CNTNAP2: variants seen among roughly 807,000 people sequenced by gnomAD.
The protein encoded by CNTNAP2 is contactin associated protein 2.
A neutral mutation model predicts 155.2 loss-of-function variants in CNTNAP2; 98 were observed. The observed-to-expected ratio is 0.63, with a 90% confidence interval of 0.54 to 0.75. CNTNAP2 has a LOEUF of 0.75. Among genes scored for constraint, CNTNAP2 ranks in the 30% least tolerant of loss-of-function variants. CNTNAP2 has a pLI of 0.00. For synonymous variants in CNTNAP2, 651 were observed against 631.2 expected (o/e 1.03, Z -0.47); for missense variants, 1,727 against 1,688.1 (o/e 1.02, Z -0.40).
Position 148,382,751 on chromosome 7 carries a change from CT to C in CNTNAP2, c.3476-895del, listed in dbSNP as rs2116657274. On this transcript the variant is annotated intron_variant, in intron 21 of 23. Transcript: ENST00000361727. ...ATCGCAGTGCTGCCGCTGGAATTAT[CT>C]TTCTCACACAGTTCCCAGTAGTGGT... Among the ~76,000 whole-genome samples the C allele has an allele frequency of 2.0e-5, 3 of 152,368 alleles. 1 individual carries two copies. The South Asian group carries it at 6.2e-4, about 32-fold the overall frequency.
chr7:148,102,679 C>T (rs182005144), intron 15 of CNTNAP2, among the ~76,000 whole-genome samples: 75 of 152,242 alleles, frequency 4.9e-4, no homozygotes, highest in African/African-American at 1.4e-3. Context: ...AAGGAAGTGC[C>T]GCCATTTTGG....
At chr7:146,916,552 T>A (rs1474694913) in intron 3 of CNTNAP2, among the ~76,000 whole-genome samples, 6 of 152,166 alleles carry the variant, frequency 3.9e-5, no homozygotes, top group African/African-American at 1.4e-4. Flanking sequence ...ACTAGTTTAA[T>A]CTAGGAGGGT....
intron 3 of CNTNAP2, among the ~76,000 whole-genome samples, chr7:146,998,414 T>C (rs963969436): frequency 1.3e-5 from 2 of 152,062 alleles, no homozygotes; most frequent in Admixed American, 6.6e-5. Context: ...ACTTTAATCT[T>C]AAACTTGTGG....
At chr7:147,051,393 G>A (rs75139329) in intron 4 of CNTNAP2, among the ~76,000 whole-genome samples, 9,707 of 151,760 alleles carry the variant, frequency 0.064, 415 homozygotes, top group Middle Eastern at 0.13. Context: ...TCGCATTCAG[G>A]CATTTAGAAA....
At chr7:148,274,700 T>C (rs1296996355) in intron 21 of CNTNAP2, among the ~76,000 whole-genome samples, 2 of 152,218 alleles carry the variant, frequency 1.3e-5, no homozygotes, top group Non-Finnish European at 2.9e-5. Context: ...ATGCCAGTGC[T>C]GTGCCTCCTA....
chr7:147,948,614 T>C (rs13242781), intron 14 of CNTNAP2, among the ~76,000 whole-genome samples: 1 of 148,636 alleles, frequency 6.7e-6, no homozygotes, highest in African/African-American at 2.5e-5. Context: ...TGTATGTATA[T>C]ATACATATAT....
At chr7:148,189,056 G>A (rs1197610882) in intron 18 of CNTNAP2, among the ~76,000 whole-genome samples, 1 of 152,198 alleles carries the variant, frequency 6.6e-6, no homozygotes, top group African/African-American at 2.4e-5. Context: ...GAGAGGTAGA[G>A]TTAGAGGATG....
chr7:146,616,709 G>T (rs1799230802), intron 1 of CNTNAP2, among the ~76,000 whole-genome samples: 1 of 152,128 alleles, frequency 6.6e-6, no homozygotes, highest in African/African-American at 2.4e-5. Flanking sequence ...CCAGACTAGC[G>T]TCTCTTCTAA....
chr7:146,715,620 T>A (rs559377687), intron 1 of CNTNAP2, among the ~76,000 whole-genome samples: 1 of 152,194 alleles, frequency 6.6e-6, no homozygotes, highest in South Asian at 2.1e-4. Flanking sequence ...CAAAAGAAAA[T>A]CACCCTACCT....
rs180841018 is a variant in CNTNAP2, at chr7:147,413,678, T to C, written c.1670+17898T>C. Among the ~76,000 whole-genome samples the C allele has an allele frequency of 2.1e-3, 315 of 152,298 alleles. 1 individual carries two copies. The highest frequency in any genetic ancestry group is 3.1e-3 in the Non-Finnish European group (208 of 68,026). On this transcript the variant is annotated intron_variant, in intron 10 of 23. Coordinates refer to ENST00000361727, the MANE Select transcript of CNTNAP2 (RefSeq NM_014141.6). ...ATCTGGGATCTTGTCAAAACAGGTT[T>C]GGCTCAGTGTGATTGAAGAGAACAC...
At chr7:147,362,499 G>A (rs914923192) in intron 9 of CNTNAP2, among the ~76,000 whole-genome samples, 1 of 152,158 alleles carries the variant, frequency 6.6e-6, no homozygotes, top group Non-Finnish European at 1.5e-5. Context: ...ACCATGATCT[G>A]TCAGTCACAG....
chr7:146,745,913 G>A (rs1278680816), intron 1 of CNTNAP2, among the ~76,000 whole-genome samples: 2 of 152,184 alleles, frequency 1.3e-5, no homozygotes, highest in African/African-American at 2.4e-5. Context: ...TATCTTGGAA[G>A]AGACTCGTTA....
intron 3 of CNTNAP2, among the ~76,000 whole-genome samples, chr7:146,867,317 C>T (rs148275103): frequency 1.3e-3 from 205 of 152,186 alleles, no homozygotes; most frequent in African/African-American, 4.5e-3. Context: ...TGATGACCTC[C>T]ACCTAGTCCA....
chr7:147,519,451 C>G (rs945540836), intron 11 of CNTNAP2, among the ~76,000 whole-genome samples: 1 of 152,184 alleles, frequency 6.6e-6, no homozygotes, highest in African/African-American at 2.4e-5. Context: ...TCTGCAAAAT[C>G]CCTTTTGTCA....
intron 21 of CNTNAP2, among the ~76,000 whole-genome samples, chr7:148,365,765 CGT>C (rs1454553183): frequency 0.017 from 1,568 of 94,646 alleles, 524 homozygotes; most frequent in Non-Finnish European, 0.022. Flanking sequence ...TATGTGTATA[CGT>C]GTATACATGT....
intron 18 of CNTNAP2, among the ~76,000 whole-genome samples, chr7:148,191,123 G>C (rs1795197408): frequency 6.6e-6 from 1 of 152,228 alleles, no homozygotes; most frequent in Non-Finnish European, 1.5e-5. Flanking sequence ...CAATGCAGAA[G>C]TGTTGGGAGG....
intron 1 of CNTNAP2, among the ~76,000 whole-genome samples, chr7:146,323,844 A>G (rs6464749): frequency 0.24 from 36,683 of 152,106 alleles, 11,101 homozygotes; most frequent in African/African-American, 0.72. Flanking sequence ...TAAATGCATC[A>G]TTTATTAACA....
intron 1 of CNTNAP2, among the ~76,000 whole-genome samples, chr7:146,313,119 C>T (rs527785656): frequency 2.0e-5 from 3 of 152,220 alleles, no homozygotes; most frequent in East Asian, 1.9e-4. Flanking sequence ...TTTAGATTTA[C>T]GAGTTACTCC....
intron 11 of CNTNAP2, among the ~76,000 whole-genome samples, chr7:147,500,439 A>T (rs1315047957): frequency 6.6e-6 from 1 of 152,058 alleles, no homozygotes; most frequent in African/African-American, 2.4e-5. Flanking sequence ...ACCTCATATA[A>T]GTCCCTTTAT....
Sources: gnomAD v4.1 joint callset for allele counts (sites outside exome capture counted in the v4.1 genomes callset) on GRCh38, gnomAD v4.1.1 for gene constraint, MANE v1.5 for transcripts, NCBI Gene and HGNC (gene_info 2026-07-23, HGNC 2026-07-21) for gene names.